The following CFAP45 variants were observed in gnomAD, a reference collection of about 807,000 sequenced individuals.
CFAP45 encodes the protein cilia and flagella associated protein 45.
A neutral mutation model predicts 75.6 loss-of-function variants in CFAP45; 43 were observed. The ratio of observed to expected loss-of-function variants is 0.57; its 90% CI spans 0.45 to 0.73. The LOEUF (loss-of-function observed/expected upper bound fraction) is 0.73. CFAP45 is among the 30% of genes least tolerant of loss of function. The pLI, the probability that CFAP45 is intolerant of heterozygous loss-of-function variation, is 0.00. For synonymous variants in CFAP45, 223 were observed against 244.6 expected (o/e 0.91, Z 0.82); for missense variants, 689 against 701.5 (o/e 0.98, Z 0.20).
At chr1:159,880,453 T>G (rs1385375944) in intron 8 of CFAP45, 101 bp downstream of exon 8, 2 of 1,018,330 alleles carry the variant, frequency 2.0e-6, no homozygotes, top group Non-Finnish European at 1.5e-6. Context: ...AGAATGAAGG[T>G]GCGGCTGCCT....
chr1:159,874,622 G>T (rs914021304), intron 10 of CFAP45, among the ~76,000 whole-genome samples: 1 of 152,218 alleles, frequency 6.6e-6, no homozygotes, highest in Non-Finnish European at 1.5e-5. Context: ...AGGGGGACTT[G>T]TATGTGTCAC....
chr1:159,878,067 G>A (rs976513147), intron 8 of CFAP45, among the ~76,000 whole-genome samples: 3 of 152,094 alleles, frequency 2.0e-5, no homozygotes, highest in Non-Finnish European at 4.4e-5. Flanking sequence ...AAAGATCAAG[G>A]GTCTTGCCCA....
intron 11 of CFAP45, 74 bp downstream of exon 11, chr1:159,872,870 A>C: frequency 6.9e-7 from 1 of 1,450,278 alleles, no homozygotes; most frequent in Non-Finnish European, 9.6e-7. Flanking sequence ...CCAAATCCCC[A>C]TGCTTTCCAG....
At chr1:159,883,740 AT>A (rs1013241152) in intron 7 of CFAP45, among the ~76,000 whole-genome samples, 7 of 151,590 alleles carry the variant, frequency 4.6e-5, no homozygotes, top group African/African-American at 1.7e-4. Context: ...GTGTGATACA[AT>A]TTTTTCAACT....
rs115344670 is a variant in CFAP45, at chr1:159,876,586, C to T, written c.1322G>A (p.Arg441Gln). Residue 441 changes from arginine (R) to glutamine (Q), a missense_variant, in exon 10 of 12, where the codon CGG (arginine) becomes CAG (glutamine). Physicochemically the swap from Arg to Gln is conservative, Grantham distance 43. Transcript: ENST00000368099. The part of the protein sequence containing the change: ...KEHALAVQVQ[R>Q]DRDEFERILR... ...AATCCTCTCGAACTCATCCCGGTCC[C>T]GTTGCACCTGAACAGCCAGAGCGTG... 6.3e-4 allele frequency: 1,017 copies of T among 1,614,102 alleles called. 8 individuals are homozygous for T. In the African/African-American group the frequency reaches 0.012, roughly 19 times the overall value.
chr1:159,875,654 T>C (rs1440935359), intron 10 of CFAP45, among the ~76,000 whole-genome samples: 1 of 152,256 alleles, frequency 6.6e-6, no homozygotes, highest in Non-Finnish European at 1.5e-5. Flanking sequence ...GTCTATAATT[T>C]TGTATCCCTT....
chr1:159,880,850 T>C, intron 7 of CFAP45, 150 bp from the exon 8 acceptor site: 1 of 674,078 alleles, frequency 1.5e-6, no homozygotes, highest in East Asian at 2.9e-5. Context: ...AAGCTGTTTT[T>C]TCAAGGGTCA....
At chr1:159,896,935 C>T (rs1299818019) in intron 1 of CFAP45, among the ~76,000 whole-genome samples, 2 of 152,196 alleles carry the variant, frequency 1.3e-5, no homozygotes, top group South Asian at 2.1e-4. Flanking sequence ...GGATGATCTC[C>T]ATAACTTGTT....
At chr1:159,886,368 A>G (rs1262435595) in intron 6 of CFAP45, 143 bp downstream of exon 6, 9 of 750,412 alleles carry the variant, frequency 1.2e-5, no homozygotes, top group Non-Finnish European at 1.8e-5. Context: ...CTGTGATTCT[A>G]TGTATCACTT....
intron 10 of CFAP45, among the ~76,000 whole-genome samples, chr1:159,875,183 G>A (rs373520359): frequency 6.6e-6 from 1 of 152,234 alleles, no homozygotes; most frequent in East Asian, 1.9e-4. Context: ...AGATAAATGG[G>A]TCGGCAGCAA....
rs796458136 is a variant in CFAP45 at position 159,873,433 on chromosome 1, G to C, written c.1353-265C>G. 31 of 533,260 alleles carry C rather than the reference G, an allele frequency of 5.8e-5. No individual in the cohort carries two copies. The African/African-American group carries it at 5.9e-4, about 10-fold the overall frequency. 33.0% of individuals were successfully genotyped at this position (533,260 alleles called of 1,614,324 possible). A position where few individuals can be genotyped will look rare whatever the true frequency, so the allele number is the denominator to read the frequency against. On this transcript the variant is annotated intron_variant, in intron 10 of 11. Transcript: ENST00000368099. ...CATGCTTAGAAGGGCCCCCAGCTTGGTTTGATGCTCTGCTTTCACTGTTTT... is the reference window on the plus strand; with the variant it reads ...CATGCTTAGAAGGGCCCCCAGCTTGCTTTGATGCTCTGCTTTCACTGTTTT...
chr1:159,888,554 TTCA>T, intron 3 of CFAP45, 58 bp from the exon 4 acceptor site: 14 of 1,522,418 alleles, frequency 9.2e-6, no homozygotes, highest in Non-Finnish European at 1.2e-5. Context: ...AGCACCACAC[TTCA>T]GGCTTCTCTG....
intron 10 of CFAP45, among the ~76,000 whole-genome samples, chr1:159,875,590 A>G (rs1030997119): frequency 1.3e-5 from 2 of 152,250 alleles, no homozygotes; most frequent in African/African-American, 4.8e-5. Flanking sequence ...CTTAGAGCAT[A>G]TGAACCAAGA....
intron 10 of CFAP45, among the ~76,000 whole-genome samples, chr1:159,876,074 GCA>G (rs550337549): frequency 1.3e-5 from 2 of 151,948 alleles, no homozygotes; most frequent in African/African-American, 4.8e-5. Context: ...ATGGCATCCA[GCA>G]CAGAGCCCTG....
chr1:159,886,440 T>C (rs571632236), intron 6 of CFAP45, 71 bp downstream of exon 6: 2 of 1,313,194 alleles, frequency 1.5e-6, no homozygotes, highest in East Asian at 4.6e-5. Flanking sequence ...CTTCCCTCTT[T>C]GCTAGGCTAC....
intron 8 of CFAP45, among the ~76,000 whole-genome samples, chr1:159,878,579 A>G (rs1245692302): frequency 6.6e-6 from 1 of 151,410 alleles, no homozygotes; most frequent in Non-Finnish European, 1.5e-5. Context: ...ATGGTGAAAC[A>G]GTGTCTATAC....
At chr1:159,890,441 G>A in intron 3 of CFAP45, 39 bp downstream of exon 3, 1 of 1,606,612 alleles carries the variant, frequency 6.2e-7, no homozygotes, top group Non-Finnish European at 8.5e-7. Flanking sequence ...GCAAAAGGAT[G>A]AGGACTGGAC....
At position 159,884,983 on chromosome 1, in the gene CFAP45, C is replaced by T. The variant is rs114034267; in HGVS notation, c.768-418G>A. 9.1e-3 allele frequency among the ~76,000 whole-genome samples: 1,380 copies of T among 152,208 alleles called. 18 individuals carry two copies. The highest frequency in any genetic ancestry group is 0.032 in the African/African-American group (1,323 of 41,518). On this transcript the variant is annotated intron_variant, in intron 6 of 11. Transcript: ENST00000368099. ...AACAAACAAACAAACCCAGGGTGTA[C>T]AAGCAATGTTGTCAGTGATTCCCTA...
intron 6 of CFAP45, among the ~76,000 whole-genome samples, 171 bp from the exon 7 acceptor site, chr1:159,884,736 A>T (rs1649635687): frequency 6.6e-6 from 1 of 152,076 alleles, no homozygotes; most frequent in Non-Finnish European, 1.5e-5. Flanking sequence ...CTCCCCCAGG[A>T]AGGACCTCAA....
Sources: gnomAD v4.1 joint callset for allele counts (sites outside exome capture counted in the v4.1 genomes callset) on GRCh38, gnomAD v4.1.1 for gene constraint, MANE v1.5 for transcripts, NCBI Gene and HGNC (gene_info 2026-07-23, HGNC 2026-07-21) for gene names.